Variants in PSTPIP1 observed in about 807,000 individuals in gnomAD.
PSTPIP1 encodes the protein proline-serine-threonine phosphatase interacting protein 1, also known as proline-serine-threonine phosphatase-interacting protein 1.
In PSTPIP1, 66 loss-of-function variants were observed where a neutral mutation model predicts 69.6. The ratio of observed to expected loss-of-function variants is 0.95; its 90% CI spans 0.78 to 1.16. PSTPIP1 has a LOEUF of 1.16. Ranked by LOEUF, PSTPIP1 falls within the 50% of genes most tolerant of loss-of-function variation. The pLI, the probability that PSTPIP1 is intolerant of heterozygous loss-of-function variation, is 0.00. For synonymous variants in PSTPIP1, 266 were observed against 222.7 expected (o/e 1.19, Z -1.73); for missense variants, 603 against 557.4 (o/e 1.08, Z -0.82).
chr15:77,032,827 G>A (rs1188914030), intron 11 of PSTPIP1, 35 bp from the exon 12 acceptor site: 1 of 1,532,042 alleles, frequency 6.5e-7, no homozygotes, highest in East Asian at 2.4e-5. Flanking sequence ...GGGGTGTTGG[G>A]GGCCGCCCTG....
At chr15:77,036,476 C>G (rs1441777916) in intron 14 of PSTPIP1, among the ~76,000 whole-genome samples, 1 of 152,180 alleles carries the variant, frequency 6.6e-6, no homozygotes, top group Non-Finnish European at 1.5e-5. Context: ...TGAACCAAGG[C>G]AGCCACAGGG....
At chr15:77,006,912 G>T (rs1191862264) in intron 1 of PSTPIP1, among the ~76,000 whole-genome samples, 2 of 152,136 alleles carry the variant, frequency 1.3e-5, no homozygotes, top group Admixed American at 1.3e-4. Context: ...TTTCAAGATT[G>T]TTTTGGCTCT....
In PSTPIP1 at chr15:76,995,149, G is replaced by GCCTGCCTGC. The variant is rs2075544899; in HGVS notation, c.-424_-423insCTGCCTGCC. ...ACAAACCTTCCTGCGCAGGCCTCGGGCTGCCTGCCTGCCTGCCTGCCTGGC... is the reference window on the plus strand; with the variant it reads ...ACAAACCTTCCTGCGCAGGCCTCGGGCCTGCCTGCCTGCCTGCCTGCCTGCCTGCCTGGC... On this transcript the variant is annotated 5_prime_UTR_variant, in exon 1 of 15. Coordinates refer to ENST00000558012, the MANE Select transcript of PSTPIP1 (RefSeq NM_003978.5). 2 of 1,170,574 alleles carry GCCTGCCTGC rather than the reference G, an allele frequency of 1.7e-6. No homozygotes were observed. The highest frequency in any genetic ancestry group is 2.1e-6 in the Non-Finnish European group (2 of 933,620). The allele number at this position is 1,170,574 out of a possible 1,614,324, so 72.5% of individuals were successfully genotyped here.
chr15:77,012,480 TCCACCCATCCATCCAC>T (rs1304787507), intron 1 of PSTPIP1, among the ~76,000 whole-genome samples: 2 of 137,832 alleles, frequency 1.5e-5, no homozygotes, highest in South Asian at 2.7e-4. Context: ...CATCTACCCA[TCCACCCATCCATCCAC>T]CCACCCATCC....
chr15:76,994,876 G>T, upstream of PSTPIP1: 1 of 1,288,700 alleles, frequency 7.8e-7, no homozygotes, highest in African/African-American at 1.5e-5. Flanking sequence ...TCTGGGCCCA[G>T]CCTGGAAGGG....
chr15:77,030,106 G>A (rs1016894504), intron 8 of PSTPIP1, among the ~76,000 whole-genome samples: 2 of 152,112 alleles, frequency 1.3e-5, no homozygotes, highest in African/African-American at 4.8e-5. Flanking sequence ...GGGGACAGGT[G>A]ACCTCCAGAG....
intron 1 of PSTPIP1, among the ~76,000 whole-genome samples, chr15:77,013,881 C>T (rs2075995735): frequency 6.6e-6 from 1 of 152,192 alleles, no homozygotes; most frequent in South Asian, 2.1e-4. Context: ...TTGAAAAAGG[C>T]TCTGCTCCCC....
chr15:77,014,733 C>A (rs1026131877), intron 1 of PSTPIP1, among the ~76,000 whole-genome samples: 6 of 152,238 alleles, frequency 3.9e-5, no homozygotes, highest in Non-Finnish European at 8.8e-5. Context: ...GCTCACAGGC[C>A]TGGGCCGTGG....
At chr15:77,031,481 T>C in intron 10 of PSTPIP1, 1 of 484,806 alleles carries the variant, frequency 2.1e-6, no homozygotes, top group Non-Finnish European at 3.8e-6. Context: ...ATGGCTTCTC[T>C]GCCTGGAAGA....
At chr15:77,035,081 G>A (rs893398944) in intron 12 of PSTPIP1, among the ~76,000 whole-genome samples, 5 of 152,234 alleles carry the variant, frequency 3.3e-5, no homozygotes, top group African/African-American at 9.6e-5. Context: ...CCCTACCCAT[G>A]GGGGAAGCTG....
intron 12 of PSTPIP1, among the ~76,000 whole-genome samples, chr15:77,033,795 G>T (rs1413954093): frequency 7.2e-6 from 1 of 139,184 alleles, no homozygotes; most frequent in Non-Finnish European, 1.6e-5. Flanking sequence ...GCAGAGGCTC[G>T]TGGGAACCAC....
chr15:77,031,129 C>A (rs958509759), intron 9 of PSTPIP1, 51 bp from the exon 10 acceptor site: 2 of 1,531,960 alleles, frequency 1.3e-6, no homozygotes, highest in African/African-American at 1.4e-5. Context: ...CCAGCCTGGC[C>A]GGGCCCTGCA....
chr15:76,999,282 C>CTT (rs35274013), intron 1 of PSTPIP1, among the ~76,000 whole-genome samples: 7 of 144,912 alleles, frequency 4.8e-5, no homozygotes, highest in African/African-American at 5.0e-5. Context: ...CTTCATTTCA[C>CTT]TTTTTTTTTT....
At chr15:76,995,122 G>A (rs1171388723), upstream of PSTPIP1, 3 of 1,177,386 alleles carry the variant, frequency 2.5e-6, no homozygotes, top group East Asian at 1.8e-4. Flanking sequence ...GGGGGAGGTT[G>A]CACAAACCTT....
intron 5 of PSTPIP1, among the ~76,000 whole-genome samples, chr15:77,026,440 G>A (rs1183135856): frequency 6.6e-6 from 1 of 152,246 alleles, no homozygotes; most frequent in Non-Finnish European, 1.5e-5. Flanking sequence ...TCACAACTGA[G>A]CCTTGAAGGG....
At chr15:77,031,735 C>G in intron 10 of PSTPIP1, 1 of 175,574 alleles carries the variant, frequency 5.7e-6, no homozygotes, top group Non-Finnish European at 1.2e-5. Flanking sequence ...TGGGTGGGTC[C>G]TCCCCAGCAG....
intron 14 of PSTPIP1, among the ~76,000 whole-genome samples, chr15:77,036,166 C>T (rs2076567084): frequency 6.6e-6 from 1 of 152,202 alleles, no homozygotes. Flanking sequence ...TGCGGGGCCT[C>T]AGTGTGCATG....
chr15:76,999,799 C>G (rs1297169388), intron 1 of PSTPIP1, among the ~76,000 whole-genome samples: 1 of 152,220 alleles, frequency 6.6e-6, no homozygotes, highest in Non-Finnish European at 1.5e-5. Context: ...CTGTGCCATC[C>G]TCTCCCAGGT....
At chr15:77,035,364 A>C in intron 12 of PSTPIP1, 144 bp from the exon 13 acceptor site, 1 of 838,886 alleles carries the variant, frequency 1.2e-6, no homozygotes, top group South Asian at 1.6e-5. Context: ...CTCATAAATG[A>C]CATCCATGCC....
Sources: allele counts gnomAD v4.1 joint callset (sites outside exome capture counted in the v4.1 genomes callset), GRCh38; gene constraint gnomAD v4.1.1; transcripts MANE v1.5; gene names NCBI Gene and HGNC (gene_info 2026-07-23, HGNC 2026-07-21).